Variants in POFUT2 observed in about 807,000 individuals in gnomAD.
POFUT2 encodes the protein protein O-fucosyltransferase 2.
Under a neutral mutation model 55.0 loss-of-function variants are expected in POFUT2, and 30 were observed. The ratio of observed to expected loss-of-function variants is 0.55; its 90% CI spans 0.41 to 0.74. The LOEUF (loss-of-function observed/expected upper bound fraction) is 0.74. Among genes scored for constraint, POFUT2 ranks in the 30% least tolerant of loss-of-function variants. The pLI, the probability that POFUT2 is intolerant of heterozygous loss-of-function variation, is 0.00. For missense variants in POFUT2, 524 were observed against 562.6 expected (o/e 0.93, Z 0.69); for synonymous variants, 267 against 231.1 (o/e 1.16, Z -1.41).
chr21:45,267,004 C>G lies in POFUT2; in HGVS notation c.1136+586G>C. 9.5e-7 allele frequency: 1 copy of G among 1,048,844 alleles called. No individual in the cohort carries two copies. Among genetic ancestry groups the G allele is most frequent in the South Asian group, 3.2e-5 (1 of 31,304 alleles). 65.0% of individuals were successfully genotyped at this position (1,048,844 alleles called of 1,614,324 possible). On this transcript the variant is annotated intron_variant, in intron 8 of 8. Transcript: ENST00000349485. This position sits in a 1 kb window ranked among gnomAD's most constrained non-coding sequence, Gnocchi z 4.4. ...GAGGAATGACTGCACGCAGGGCCCA[C>G]GCTCCCGGCCTCTGGGACGCTCACG...
rs2146665755 is a variant in POFUT2, at chr21:45,282,994, G to C, written c.527+389C>G. The C allele has an allele frequency of 2.2e-6, 1 of 460,112 alleles. No individual in the cohort carries two copies. Among genetic ancestry groups the C allele is most frequent in the Admixed American group, 2.4e-5 (1 of 41,936 alleles). The allele number at this position is 460,112 out of a possible 1,614,324, so 28.5% of individuals were successfully genotyped here. A position where few individuals can be genotyped will look rare whatever the true frequency, so the allele number is the denominator to read the frequency against. ...ACAGGGAAAGAGGCACGGGGTCTCA[G>C]CCAGATGTTCATCACGGCCCATTCT... On this transcript the variant is annotated intron_variant, in intron 3 of 8. Transcript: ENST00000349485. The surrounding 1 kb of genome is among the most constrained non-coding windows in gnomAD (Gnocchi z 4.6).
In POFUT2 at chr21:45,270,147, A is replaced by G; in HGVS notation, c.832-128T>C. ...GTGGCCTCCTCCACGGGGTGGCTCC[A>G]GGGCTGTCTAAGGGATTCAGGTGGA... On this transcript the variant is annotated intron_variant, in intron 6 of 8. Coordinates refer to ENST00000349485, the MANE Select transcript of POFUT2 (RefSeq NM_133635.6). This position sits in a 1 kb window ranked among gnomAD's most constrained non-coding sequence, Gnocchi z 4.6. The G allele has an allele frequency of 1.7e-6, 1 of 591,538 alleles. No individual in the cohort carries two copies. Among genetic ancestry groups the G allele is most frequent in the East Asian group, 3.4e-5 (1 of 29,570 alleles). The allele number at this position is 591,538 out of a possible 1,614,324, so 36.6% of individuals were successfully genotyped here.
At position 45,271,000 on chromosome 21, in the gene POFUT2, C is replaced by A. The variant is rs1463517899; in HGVS notation, c.832-981G>T. ...ACAAAACAAGGTTCTATAGTACCCC[C>A]AAAAGATCATAGTAGCTCCCCAGCA... is the stretch of plus-strand genomic sequence containing the variant. On this transcript the variant is annotated intron_variant, in intron 6 of 8. Coordinates refer to ENST00000349485, the MANE Select transcript of POFUT2 (RefSeq NM_133635.6). The surrounding 1 kb of genome is among the most constrained non-coding windows in gnomAD (Gnocchi z 4.6). Among the ~76,000 whole-genome samples, 2 of 152,154 alleles carry A rather than the reference C, an allele frequency of 1.3e-5. No homozygotes were observed. The highest frequency in any genetic ancestry group is 2.1e-4 in the South Asian group (1 of 4,832).
At chr21:45,283,075 G>A (rs1370042873) in intron 3 of POFUT2, 4 of 384,592 alleles carry the variant, frequency 1.0e-5, no homozygotes, top group Non-Finnish European at 2.1e-5. Flanking sequence ...GGTGTGGGCA[G>A]CCACAAGCGC....
At chr21:45,278,379 T>C (rs1477401203) in intron 4 of POFUT2, among the ~76,000 whole-genome samples, 2 of 152,204 alleles carry the variant, frequency 1.3e-5, no homozygotes, top group African/African-American at 2.4e-5. Flanking sequence ...AGGGCTTTAA[T>C]GCCTACTGTC....
Position 45,265,827 on chromosome 21 carries a change from T to A in POFUT2, c.1137-192A>T. On this transcript the variant is annotated intron_variant, in intron 8 of 8. Transcript: ENST00000349485. The surrounding 1 kb of genome is among the most constrained non-coding windows in gnomAD (Gnocchi z 4.6). ...ACCCCTCGCTCAGGTGCCCTCGACATCGGCGCCCTGAGGGGCTCTGCCTGG... is the reference window on the plus strand; with the variant it reads ...ACCCCTCGCTCAGGTGCCCTCGACAACGGCGCCCTGAGGGGCTCTGCCTGG... The A allele has an allele frequency of 1.4e-6, 2 of 1,403,918 alleles. No individual in the cohort carries two copies. The highest frequency in any genetic ancestry group is 1.9e-6 in the Non-Finnish European group (2 of 1,080,224). 87.0% of individuals were successfully genotyped at this position (1,403,918 alleles called of 1,614,324 possible).
At position 45,277,012 on chromosome 21, in the gene POFUT2, G is replaced by C. The variant is rs974813881; in HGVS notation, c.831+5C>G. On this transcript the variant is annotated splice_donor_5th_base_variant and intron_variant, in intron 6 of 8. Transcript: ENST00000349485. The surrounding 1 kb of genome is among the most constrained non-coding windows in gnomAD (Gnocchi z 6.9). ...TCTCTAATTAACAAAAGGGAGGGGG[G>C]CTACCTTCATCTTCATCCAGTCCTC... The C allele has an allele frequency of 3.1e-6, 5 of 1,613,494 alleles. No individual in the cohort carries two copies. The highest frequency in any genetic ancestry group is 4.2e-6 in the Non-Finnish European group (5 of 1,179,684).
intron 8 of POFUT2, chr21:45,266,082 A>G (rs1255737661): frequency 2.3e-6 from 3 of 1,299,398 alleles, no homozygotes. Context: ...GACATCACGG[A>G]GGTCAAGGCC....
In POFUT2 at chr21:45,277,246, A is replaced by G. The variant is rs2029901411; in HGVS notation, c.706-104T>C. On this transcript the variant is annotated intron_variant, in intron 5 of 8. Coordinates refer to ENST00000349485, the MANE Select transcript of POFUT2 (RefSeq NM_133635.6). This position sits in a 1 kb window ranked among gnomAD's most constrained non-coding sequence, Gnocchi z 6.9. Reference sequence around the variant, plus strand: ...GCCACCACCCACCCCCGCAGCTGGAACAAGCCCCTCAGACACGTCATCCAC... The same window carrying G: ...GCCACCACCCACCCCCGCAGCTGGAGCAAGCCCCTCAGACACGTCATCCAC... 6.9e-7 allele frequency: 1 copy of G among 1,457,492 alleles called. No individual in the cohort carries two copies. The highest frequency in any genetic ancestry group is 9.3e-7 in the Non-Finnish European group (1 of 1,079,026). 90.3% of individuals were successfully genotyped at this position (1,457,492 alleles called of 1,614,324 possible).
chr21:45,266,465 G>A (rs757925356), intron 8 of POFUT2: 77 of 1,145,756 alleles, frequency 6.7e-5, no homozygotes, highest in East Asian at 1.3e-4. Flanking sequence ...CTGAGGGCAG[G>A]AGGCTGAGAG....
At position 45,282,063 on chromosome 21, in the gene POFUT2, C is replaced by T. The variant is rs570316813; in HGVS notation, c.638+286G>A. ...AACAGTCTCATGGTGAGCTCCCCGCCGCCCCCAGCCCAGCTCAGCCCCTCC... is the reference window on the plus strand; with the variant it reads ...AACAGTCTCATGGTGAGCTCCCCGCTGCCCCCAGCCCAGCTCAGCCCCTCC... On this transcript the variant is annotated intron_variant, in intron 4 of 8. Transcript: ENST00000349485. The surrounding 1 kb of genome is among the most constrained non-coding windows in gnomAD (Gnocchi z 4.6). Among the ~76,000 whole-genome samples, 13 of 152,298 alleles carry T rather than the reference C, an allele frequency of 8.5e-5. No homozygotes were observed. The highest frequency in any genetic ancestry group is 2.1e-4 in the South Asian group (1 of 4,826).
Position 45,277,019 on chromosome 21 carries a change from T to A in POFUT2, c.829A>T (p.Lys277Ter). Residue 277 changes from lysine (K) to a stop codon, truncating the protein, a stop_gained and splice_region_variant, in exon 6 of 9, where the codon AAG (lysine) becomes TAG (stop). Transcript: ENST00000349485. LOFTEE classifies it high-confidence loss of function. The surrounding 1 kb of genome is among the most constrained non-coding windows in gnomAD (Gnocchi z 6.9). ...TTAACAAAAGGGAGGGGGGCTACCTTCATCTTCATCCAGTCCTCCTGGAAG... is the reference window on the plus strand; with the variant it reads ...TTAACAAAAGGGAGGGGGGCTACCTACATCTTCATCCAGTCCTCCTGGAAG... The part of the protein sequence containing the change: ...IPFQEDWMKM[K>*]VKLGSALGGP... 6.2e-7 allele frequency: 1 copy of A among 1,613,978 alleles called. No individual in the cohort carries two copies. The highest frequency in any genetic ancestry group is 8.5e-7 in the Non-Finnish European group (1 of 1,179,894).
rs1030593176 is a variant in POFUT2 at position 45,264,154 on chromosome 21, G to C, written c.*1328C>G. On this transcript the variant is annotated 3_prime_UTR_variant, in exon 9 of 9. Transcript: ENST00000349485. ...AGGGTCAATTTTAAAAGCTTGAGAA[G>C]ACACAGCAAGGTGATGTCCTAGACT... 2 of 152,258 alleles carry C rather than the reference G, an allele frequency of 1.3e-5. No homozygotes were observed. Among genetic ancestry groups the C allele is most frequent in the African/African-American group, 4.8e-5 (2 of 41,468 alleles). The allele number at this position is 152,258 out of a possible 1,614,324, so 9.4% of individuals were successfully genotyped here. A position where few individuals can be genotyped will look rare whatever the true frequency, so the allele number is the denominator to read the frequency against.
chr21:45,272,685 CAA>C (rs1320664729), intron 6 of POFUT2, among the ~76,000 whole-genome samples: 1 of 152,040 alleles, frequency 6.6e-6, no homozygotes, highest in Non-Finnish European at 1.5e-5. Context: ...TTAAGAAAAT[CAA>C]AATTATGTCA....
Position 45,265,658 on chromosome 21 carries a change from C to G in POFUT2, c.1137-23G>C. On this transcript the variant is annotated intron_variant, in intron 8 of 8. Transcript: ENST00000349485. This position sits in a 1 kb window ranked among gnomAD's most constrained non-coding sequence, Gnocchi z 4.6. ...AACCTGCAAAGGATCACAGAGGTTC[C>G]AGAGTCAGGGAGAACTGGCGTCACA... 1 of 784,162 alleles carries G rather than the reference C, an allele frequency of 1.3e-6. No homozygotes were observed. The highest frequency in any genetic ancestry group is 1.7e-6 in the Non-Finnish European group (1 of 586,708). 48.6% of individuals were successfully genotyped at this position (784,162 alleles called of 1,614,324 possible).
rs2146532887 is a variant in POFUT2 at position 45,265,340 on chromosome 21, G to A, written c.*142C>T. ...ACGGAGCCCAGCTCTAGAGGCGTGG[G>A]GCCTCTTCTGGGCCTGGGACCCTGC... On this transcript the variant is annotated 3_prime_UTR_variant, in exon 9 of 9. Transcript: ENST00000349485. This position sits in a 1 kb window ranked among gnomAD's most constrained non-coding sequence, Gnocchi z 4.6. The A allele has an allele frequency of 1.5e-6, 1 of 665,794 alleles. No individual in the cohort carries two copies. The highest frequency in any genetic ancestry group is 2.9e-5 in the East Asian group (1 of 34,296). 41.2% of individuals were successfully genotyped at this position (665,794 alleles called of 1,614,324 possible). A position where few individuals can be genotyped will look rare whatever the true frequency, so the allele number is the denominator to read the frequency against.
At chr21:45,287,674 C>CCCCAACCAAACACAGAA in intron 1 of POFUT2, 67 bp downstream of exon 1, 1 of 1,162,086 alleles carries the variant, frequency 8.6e-7, no homozygotes, top group Non-Finnish European at 1.1e-6. Flanking sequence ...CCGCCCCGCC[C>CCCCAACCAAACACAGAA]CCATCCCATC....
chr21:45,283,377 A>AGGG lies in POFUT2; in HGVS notation c.527+5_527+6insCCC. 1 of 1,587,656 alleles carries AGGG rather than the reference A, an allele frequency of 6.3e-7. No homozygotes were observed. Among genetic ancestry groups the AGGG allele is most frequent in the South Asian group, 1.1e-5 (1 of 90,326 alleles). ...CTGCGGCAGGGGGAGCAGCCTCAGC[A>AGGG]GGCACCTGTAGTACTCGTGCTTGTC... On this transcript the variant is annotated splice_donor_region_variant and intron_variant, in intron 3 of 8. Transcript: ENST00000349485.
chr21:45,271,769 T>G (rs1602171800), intron 6 of POFUT2, among the ~76,000 whole-genome samples: 1 of 152,156 alleles, frequency 6.6e-6, no homozygotes, highest in South Asian at 2.1e-4. Flanking sequence ...AAAGTAATTA[T>G]CAGCCAAGAA....
Sources: allele counts gnomAD v4.1 joint callset (sites outside exome capture counted in the v4.1 genomes callset), GRCh38; gene constraint gnomAD v4.1.1; non-coding constraint Gnocchi (gnomAD v3.1); transcripts MANE v1.5; gene names NCBI Gene and HGNC (gene_info 2026-07-23, HGNC 2026-07-21).